Variants in LARGE1 observed in about 807,000 individuals in gnomAD.
LARGE1 encodes LARGE xylosyl- and glucuronyltransferase 1, also known as xylosyl- and glucuronyltransferase LARGE1.
LARGE1 carries 43 observed loss-of-function variants against 87.6 expected under a neutral mutation model. The observed-to-expected ratio is 0.49, with a 90% CI of 0.38 to 0.63. The LOEUF is 0.63. LARGE1 is among the 30% of genes least tolerant of loss of function. LARGE1 has a pLI of 0.00. For missense variants in LARGE1, 802 were observed against 1,000.2 expected, an observed-to-expected ratio of 0.80 and a Z score of 2.67; for synonymous variants, 434 against 394.6, an observed-to-expected ratio of 1.10 and a Z score of -1.18.
intron 12 of LARGE1, among the ~76,000 whole-genome samples, chr22:33,299,738 A>G (rs1436049580): frequency 6.6e-6 from 1 of 152,178 alleles, no homozygotes; most frequent in Non-Finnish European, 1.5e-5. Context: ...AGCAGCCCCA[A>G]CTCACACACT....
chr22:33,165,408 G>A (rs1342169547), exon 12 of LARGE1: 1 of 152,146 alleles, frequency 6.6e-6, no homozygotes, highest in Non-Finnish European at 1.5e-5. Context: ...CAACAACCTT[G>A]GATACAGTAT....
At chr22:33,198,676 C>T (rs9607023) in intron 11 of LARGE1, among the ~76,000 whole-genome samples, 75,707 of 148,418 alleles carry the variant, frequency 0.51, 19,761 homozygotes, top group Non-Finnish European at 0.58. Context: ...CACACACACA[C>T]GTATCTAAAA....
intron 6 of LARGE1, among the ~76,000 whole-genome samples, chr22:33,456,594 T>C (rs1215740332): frequency 3.9e-5 from 6 of 152,242 alleles, no homozygotes; most frequent in Admixed American, 3.3e-4. Flanking sequence ...TGTCATTGAA[T>C]GAAAGACATC....
In LARGE1 at chr22:33,206,582, C is replaced by T. The variant is rs565858276; in HGVS notation, c.1731-39750G>A. The stretch of plus-strand genomic sequence containing the variant: ...TAAAGGTCTAGAACAAATGACCAGC[C>T]ACCCAAGGACACATATGCAGGCTGG... On this transcript the variant is annotated intron_variant, in intron 11 of 11. Transcript: ENST00000608642. Among the ~76,000 whole-genome samples, 11 of 152,256 alleles carry T rather than the reference C, an allele frequency of 7.2e-5. No individual in the cohort carries two copies. The South Asian group carries it at 2.3e-3, about 32-fold the overall frequency.
intron 1 of LARGE1, among the ~76,000 whole-genome samples, chr22:33,840,503 A>G (rs1234606004): frequency 2.0e-5 from 3 of 152,180 alleles, no homozygotes; most frequent in East Asian, 1.9e-4. Context: ...TTTCTCACAC[A>G]GTCAAAATTT....
intron 2 of LARGE1, among the ~76,000 whole-genome samples, chr22:33,712,427 C>T (rs561288623): frequency 1.3e-5 from 2 of 152,092 alleles, no homozygotes; most frequent in African/African-American, 4.8e-5. Flanking sequence ...ACAAGAGGGG[C>T]ATGTTCACTG....
chr22:33,098,532 A>G, the LARGE1 span, among the ~76,000 whole-genome samples: 1 of 152,242 alleles, frequency 6.6e-6, no homozygotes, highest in East Asian at 1.9e-4. Flanking sequence ...GAGGCAGGAG[A>G]ATGGCGTGAA....
intron 9 of LARGE1, among the ~76,000 whole-genome samples, chr22:33,358,757 C>T (rs1002820934): frequency 6.6e-6 from 1 of 151,952 alleles, no homozygotes; most frequent in Non-Finnish European, 1.5e-5. Flanking sequence ...GAGGCCGAGC[C>T]GGGTGGATCA....
the LARGE1 span, among the ~76,000 whole-genome samples, chr22:33,130,343 T>TAAAAAAAAAAAAAAAAAA: frequency 1.1e-5 from 1 of 94,248 alleles, no homozygotes; most frequent in Non-Finnish European, 2.1e-5. Flanking sequence ...AAAAAAAAAT[T>TAAAAAAAAAAAAAAAAAA]AGCAGGCATG....
intron 11 of LARGE1, among the ~76,000 whole-genome samples, chr22:33,184,017 T>C (rs953511319): frequency 6.1e-5 from 9 of 147,080 alleles, no homozygotes; most frequent in Non-Finnish European, 1.2e-4. Context: ...TCACCAACCC[T>C]AACCCCCACA....
intron 3 of LARGE1, among the ~76,000 whole-genome samples, chr22:33,644,810 A>G (rs533055429): frequency 6.6e-6 from 1 of 152,198 alleles, no homozygotes; most frequent in South Asian, 2.1e-4. Context: ...TCCCATTCAC[A>G]ATTGCTACAA....
intron 11 of LARGE1, among the ~76,000 whole-genome samples, chr22:33,304,709 G>C (rs1304990564): frequency 1.3e-5 from 2 of 151,906 alleles, no homozygotes; most frequent in Non-Finnish European, 2.9e-5. Flanking sequence ...ATCTTTCCCT[G>C]CTTCCAACTG....
chr22:33,389,639 G>C (rs1486615083), intron 7 of LARGE1, among the ~76,000 whole-genome samples: 1 of 152,212 alleles, frequency 6.6e-6, no homozygotes, highest in Non-Finnish European at 1.5e-5. Context: ...GAGGTCAGGA[G>C]TTTGAGACCA....
chr22:33,746,922 G>A (rs1475908697), intron 2 of LARGE1, among the ~76,000 whole-genome samples: 2 of 152,168 alleles, frequency 1.3e-5, no homozygotes, highest in Non-Finnish European at 2.9e-5. Flanking sequence ...GGCCAGAAGA[G>A]AGGCACTTGT....
chr22:33,286,825 A>G (rs949983901), intron 12 of LARGE1, among the ~76,000 whole-genome samples: 2 of 152,212 alleles, frequency 1.3e-5, no homozygotes, highest in African/African-American at 4.8e-5. Flanking sequence ...TTGCTATAGG[A>G]GCTGCTTCTT....
chr22:33,492,063 T>C (rs2069870559), intron 6 of LARGE1, among the ~76,000 whole-genome samples: 2 of 152,240 alleles, frequency 1.3e-5, no homozygotes, highest in South Asian at 4.2e-4. Context: ...CAGAATAGTG[T>C]TGAATTACTA....
At chr22:33,742,600 T>C (rs956884307) in intron 2 of LARGE1, among the ~76,000 whole-genome samples, 14 of 152,174 alleles carry the variant, frequency 9.2e-5, no homozygotes, top group African/African-American at 2.7e-4. Flanking sequence ...GCCCAGGTCT[T>C]CTGGTGCAAG....
chr22:33,406,732 C>G (rs1410790947), intron 7 of LARGE1, among the ~76,000 whole-genome samples: 1 of 152,166 alleles, frequency 6.6e-6, no homozygotes, highest in Non-Finnish European at 1.5e-5. Flanking sequence ...GATGATGACT[C>G]CATAAGTAAA....
chr22:33,414,239 C>T (rs2066409406), intron 7 of LARGE1, among the ~76,000 whole-genome samples: 1 of 152,096 alleles, frequency 6.6e-6, no homozygotes, highest in Non-Finnish European at 1.5e-5. Context: ...TGATTCTGCT[C>T]ATATGAGATA....
Sources: gnomAD v4.1 joint callset for allele counts (sites outside exome capture counted in the v4.1 genomes callset) on GRCh38, gnomAD v4.1.1 for gene constraint, MANE v1.5 for transcripts, NCBI Gene and HGNC (gene_info 2026-07-23, HGNC 2026-07-21) for gene names.